The following DTNB variants were observed in gnomAD, a reference collection of about 807,000 sequenced individuals.
DTNB encodes the protein dystrobrevin beta, also known as DTN-B.
Under a neutral mutation model 90.7 loss-of-function variants are expected in DTNB, and 63 were observed. The ratio of observed to expected loss-of-function variants is 0.69; its 90% CI spans 0.57 to 0.86. DTNB has a LOEUF of 0.86. DTNB is among the 40% of genes least tolerant of loss of function. The pLI is 0.00. For missense variants in DTNB, 744 were observed against 807.1 expected, an observed-to-expected ratio of 0.92 and a Z score of 0.95; for synonymous variants, 277 against 286.7, an observed-to-expected ratio of 0.97 and a Z score of 0.34.
At chr2:25,388,070 T>G (rs1456250227) in intron 17 of DTNB, 132 bp downstream of exon 17, 2 of 1,439,362 alleles carry the variant, frequency 1.4e-6, no homozygotes, top group Non-Finnish European at 9.3e-7. Context: ...CTGACTTATT[T>G]ACACTGTCTG....
intron 10 of DTNB, chr2:25,481,571 C>T (rs1380749703): frequency 6.6e-6 from 1 of 152,226 alleles, no homozygotes; most frequent in Non-Finnish European, 1.5e-5. Flanking sequence ...TGGAAAGTGC[C>T]CTAGCAAGGC....
chr2:25,410,191 T>C lies in DTNB; in HGVS notation c.1575+9324A>G, dbSNP rs182307952. Among the ~76,000 whole-genome samples the C allele has an allele frequency of 1.3e-4, 20 of 152,290 alleles. No homozygotes were observed. The East Asian group carries it at 3.7e-3, about 28-fold the overall frequency. On this transcript the variant is annotated intron_variant, in intron 16 of 20. Coordinates refer to ENST00000406818, the MANE Select transcript of DTNB (RefSeq NM_021907.5). ...TTTCTCCAGTTGGCTGAGGAGATAA[T>C]GTTTTTGGAGGCCCTGAAGGATGGT...
intron 9 of DTNB, among the ~76,000 whole-genome samples, chr2:25,512,653 T>C (rs564016636): frequency 5.0e-4 from 76 of 152,328 alleles, no homozygotes; most frequent in African/African-American, 1.7e-3. Flanking sequence ...ATGAGTTAGC[T>C]ACTTGGAGGG....
At chr2:25,655,379 G>C (rs1345719375) in intron 1 of DTNB, among the ~76,000 whole-genome samples, 2 of 152,148 alleles carry the variant, frequency 1.3e-5, no homozygotes, top group Admixed American at 6.5e-5. Flanking sequence ...CTAACAACCA[G>C]GCATTGTCAG....
At chr2:25,495,044 A>G (rs1049102307) in intron 9 of DTNB, among the ~76,000 whole-genome samples, 2 of 152,172 alleles carry the variant, frequency 1.3e-5, no homozygotes, top group Non-Finnish European at 2.9e-5. Context: ...TCTGCTGCAC[A>G]ATGCGTCAGA....
chr2:25,511,006 G>C (rs1478384666), intron 9 of DTNB, among the ~76,000 whole-genome samples: 1 of 152,148 alleles, frequency 6.6e-6, no homozygotes, highest in Non-Finnish European at 1.5e-5. Context: ...TTTGTTCTTT[G>C]TAATTATAAA....
chr2:25,391,790 C>T (rs1021150311), intron 16 of DTNB, among the ~76,000 whole-genome samples: 3 of 152,120 alleles, frequency 2.0e-5, no homozygotes, highest in African/African-American at 7.2e-5. Context: ...CATGCAAATA[C>T]ATGGAAATTA....
chr2:25,521,647 T>G (rs1362486804), intron 9 of DTNB, among the ~76,000 whole-genome samples: 1 of 152,110 alleles, frequency 6.6e-6, no homozygotes, highest in Non-Finnish European at 1.5e-5. Context: ...CCACTCCCCT[T>G]GGCCTCCCAA....
intron 13 of DTNB, among the ~76,000 whole-genome samples, chr2:25,433,652 G>A (rs943217696): frequency 3.3e-5 from 5 of 152,188 alleles, no homozygotes; most frequent in South Asian, 2.1e-4. Flanking sequence ...GGGGTCACAC[G>A]GATGGGTGGG....
intron 9 of DTNB, among the ~76,000 whole-genome samples, chr2:25,491,557 T>A (rs2067470569): frequency 6.6e-6 from 1 of 152,138 alleles, no homozygotes; most frequent in Non-Finnish European, 1.5e-5. Flanking sequence ...GTGGTGAGAC[T>A]ATTCTCCAAA....
intron 9 of DTNB, among the ~76,000 whole-genome samples, chr2:25,527,261 C>T (rs1295297120): frequency 6.6e-6 from 1 of 152,132 alleles, no homozygotes; most frequent in Non-Finnish European, 1.5e-5. Flanking sequence ...CGGTGGTTCA[C>T]GCCTGTAATC....
intron 8 of DTNB, among the ~76,000 whole-genome samples, chr2:25,533,764 T>C (rs2150938132): frequency 6.6e-6 from 1 of 152,302 alleles, no homozygotes; most frequent in South Asian, 2.1e-4. Context: ...TATCTTTCTG[T>C]ACATTTTTTT....
chr2:25,619,847 C>T (rs1191822097), intron 4 of DTNB, among the ~76,000 whole-genome samples: 1 of 152,006 alleles, frequency 6.6e-6, no homozygotes, highest in Non-Finnish European at 1.5e-5. Context: ...TGAGACCAGC[C>T]TGACCAACAT....
At chr2:25,469,652 G>T (rs1328363547) in intron 10 of DTNB, among the ~76,000 whole-genome samples, 2 of 152,038 alleles carry the variant, frequency 1.3e-5, no homozygotes, top group Non-Finnish European at 2.9e-5. Flanking sequence ...TCATCATGTT[G>T]GCCAGGCTGG....
At chr2:25,410,454 C>T (rs1175613969) in intron 16 of DTNB, among the ~76,000 whole-genome samples, 3 of 152,092 alleles carry the variant, frequency 2.0e-5, no homozygotes, top group Non-Finnish European at 4.4e-5. Context: ...ATCCCCACCA[C>T]GCAAGACAGG....
intron 2 of DTNB, among the ~76,000 whole-genome samples, chr2:25,647,394 T>G (rs975861201): frequency 6.6e-6 from 1 of 152,188 alleles, no homozygotes; most frequent in Non-Finnish European, 1.5e-5. Flanking sequence ...TAATGAAATA[T>G]GCAAAAAGCT....
chr2:25,507,155 C>A (rs2072658130), intron 9 of DTNB, among the ~76,000 whole-genome samples: 1 of 152,094 alleles, frequency 6.6e-6, no homozygotes, highest in Admixed American at 6.5e-5. Flanking sequence ...ATTTCCAAAC[C>A]ACACATATCC....
chr2:25,386,799 G>A (rs1281597540), intron 18 of DTNB, among the ~76,000 whole-genome samples: 2 of 152,232 alleles, frequency 1.3e-5, no homozygotes, highest in African/African-American at 4.8e-5. Context: ...GGTGAAATCA[G>A]AGCCTGGTCA....
intron 8 of DTNB, among the ~76,000 whole-genome samples, chr2:25,549,220 T>C (rs377081416): frequency 1.3e-5 from 2 of 151,966 alleles, no homozygotes; most frequent in South Asian, 4.1e-4. Context: ...ATATCAGTAA[T>C]ATATATTTGA....
Sources: allele counts gnomAD v4.1 joint callset (sites outside exome capture counted in the v4.1 genomes callset), GRCh38; gene constraint gnomAD v4.1.1; transcripts MANE v1.5; gene names NCBI Gene and HGNC (gene_info 2026-07-23, HGNC 2026-07-21).